Variants in SYT1 observed in about 807,000 individuals in gnomAD.
SYT1 encodes the protein synaptotagmin 1.
SYT1 carries 8 observed loss-of-function variants against 44.8 expected under a neutral mutation model. The ratio of observed to expected loss-of-function variants is 0.18; its 90% CI spans 0.10 to 0.32. The LOEUF (loss-of-function observed/expected upper bound fraction) is 0.32, where lower values mean the gene tolerates loss of function less well. Among genes scored for constraint, SYT1 ranks in the 10% least tolerant of loss-of-function variants. The pLI is 1.00. For synonymous variants in SYT1, 154 were observed against 188.8 expected (o/e 0.82, Z 1.51); for missense variants, 286 against 509.3 (o/e 0.56, Z 4.22).
chr12:79,243,625 C>T (rs1876644065), intron 4 of SYT1, among the ~76,000 whole-genome samples: 1 of 152,136 alleles, frequency 6.6e-6, no homozygotes, highest in Non-Finnish European at 1.5e-5. Flanking sequence ...ACTAAAGTCA[C>T]TCCAGAGTGG....
At chr12:79,120,270 A>G (rs1317713018) in intron 3 of SYT1, among the ~76,000 whole-genome samples, 2 of 152,164 alleles carry the variant, frequency 1.3e-5, no homozygotes, top group Non-Finnish European at 1.5e-5. Flanking sequence ...CATGGGAACA[A>G]TAAGACACTG....
At chr12:79,178,298 A>T (rs1048710719) in intron 3 of SYT1, among the ~76,000 whole-genome samples, 1 of 151,866 alleles carries the variant, frequency 6.6e-6, no homozygotes, top group Non-Finnish European at 1.5e-5. Context: ...TAATAGTATC[A>T]CTCAGCCACA....
At chr12:78,983,088 G>GT (rs202237863) in intron 2 of SYT1, among the ~76,000 whole-genome samples, 12,440 of 146,780 alleles carry the variant, frequency 0.085, 616 homozygotes, top group African/African-American at 0.14. Flanking sequence ...CTTCTTCCAA[G>GT]TTTTTTTTTT....
chr12:79,330,057 T>C (rs1592972052), intron 8 of SYT1, among the ~76,000 whole-genome samples: 2 of 152,252 alleles, frequency 1.3e-5, no homozygotes, highest in East Asian at 1.9e-4. Context: ...CTGTAATACA[T>C]CTCCTCTTAG....
At chr12:79,299,050 AACTT>A (rs1462927999) in intron 7 of SYT1, among the ~76,000 whole-genome samples, 1 of 152,180 alleles carries the variant, frequency 6.6e-6, no homozygotes, top group Non-Finnish European at 1.5e-5. Context: ...CTACAAGAAA[AACTT>A]ACTTATAGTC....
chr12:79,304,397 T>G (rs1880292587), intron 8 of SYT1, among the ~76,000 whole-genome samples: 1 of 152,216 alleles, frequency 6.6e-6, no homozygotes, highest in Non-Finnish European at 1.5e-5. Flanking sequence ...GATAGTTTAG[T>G]GCCTTTCTGG....
At chr12:78,980,114 G>C (rs183285266) in intron 2 of SYT1, among the ~76,000 whole-genome samples, 1 of 152,048 alleles carries the variant, frequency 6.6e-6, no homozygotes, top group Non-Finnish European at 1.5e-5. Flanking sequence ...TCTCAGTGCG[G>C]CAAGTAAGAC....
At chr12:79,301,680 T>A (rs145001546) in intron 8 of SYT1, among the ~76,000 whole-genome samples, 35 of 152,270 alleles carry the variant, frequency 2.3e-4, no homozygotes, top group African/African-American at 7.5e-4. Flanking sequence ...ATCTCCTCAT[T>A]TGTTGTGTCT....
chr12:79,353,952 T>A (rs939519664), intron 9 of SYT1, among the ~76,000 whole-genome samples: 2 of 151,984 alleles, frequency 1.3e-5, no homozygotes, highest in Non-Finnish European at 2.9e-5. Context: ...TTAGAGGGGG[T>A]TTTTGGTCAA....
chr12:79,308,881 C>T (rs1460405224), intron 8 of SYT1, among the ~76,000 whole-genome samples: 1 of 152,164 alleles, frequency 6.6e-6, no homozygotes, highest in East Asian at 1.9e-4. Flanking sequence ...AAACTGTAAG[C>T]CTGGAATTAG....
rs192511668 is a variant in SYT1 at position 79,047,889 on chromosome 12, A to G, written c.-18+527A>G. ...TTAACTAAAAGTGTATTTCCTAGAA[A>G]TGTATTTCCTTGCTATTGTTTGATG... On this transcript the variant is annotated intron_variant, in intron 3 of 10. Transcript: ENST00000261205. Among the ~76,000 whole-genome samples, 789 of 151,980 alleles carry G rather than the reference A, an allele frequency of 5.2e-3. 1 individual carries two copies. The highest frequency in any genetic ancestry group is 9.0e-3 in the Non-Finnish European group (608 of 67,766).
chr12:79,052,043 AG>A (rs1412845651), intron 3 of SYT1, among the ~76,000 whole-genome samples: 2 of 152,076 alleles, frequency 1.3e-5, no homozygotes, highest in Non-Finnish European at 2.9e-5. Context: ...ACTTTAAAAT[AG>A]TTTTTTCCAA....
intron 4 of SYT1, among the ~76,000 whole-genome samples, chr12:79,281,302 GAGATATAGAT>G (rs1279508839): frequency 4.6e-5 from 7 of 152,054 alleles, no homozygotes; most frequent in African/African-American, 1.4e-4. Context: ...TACGGATATA[GAGATATAGAT>G]AGATATAGAT....
chr12:79,210,492 T>G (rs2138532069), intron 3 of SYT1, among the ~76,000 whole-genome samples: 1 of 152,338 alleles, frequency 6.6e-6, no homozygotes, highest in Middle Eastern at 3.4e-3. Flanking sequence ...AGTGAGAACA[T>G]ACAATGTTTG....
chr12:79,439,956 T>C (rs1047278165), intron 9 of SYT1, among the ~76,000 whole-genome samples: 1 of 150,516 alleles, frequency 6.6e-6, no homozygotes, highest in Non-Finnish European at 1.5e-5. Flanking sequence ...CTGGGCACAA[T>C]GGCTCACTTC....
chr12:79,122,280 C>T (rs1282317023), intron 3 of SYT1, among the ~76,000 whole-genome samples: 1 of 151,508 alleles, frequency 6.6e-6, no homozygotes, highest in Non-Finnish European at 1.5e-5. Flanking sequence ...TTTGGGAGGC[C>T]GAGGCGGGCG....
At chr12:78,876,219 T>C (rs1377268327) in intron 1 of SYT1, among the ~76,000 whole-genome samples, 1 of 151,588 alleles carries the variant, frequency 6.6e-6, no homozygotes. Context: ...ATTTTTCCTC[T>C]ATCTAGTCTC....
At chr12:78,909,463 A>G (rs1259967124) in intron 1 of SYT1, among the ~76,000 whole-genome samples, 1 of 151,958 alleles carries the variant, frequency 6.6e-6, no homozygotes, top group Non-Finnish European at 1.5e-5. Flanking sequence ...AACAATAAAT[A>G]TAAGCTTATG....
chr12:78,908,973 A>G (rs547907694), intron 1 of SYT1, among the ~76,000 whole-genome samples: 2 of 152,082 alleles, frequency 1.3e-5, no homozygotes, highest in African/African-American at 4.8e-5. Context: ...CAATCAACCA[A>G]AAGATTCCTA....
Sources: allele counts gnomAD v4.1 joint callset (sites outside exome capture counted in the v4.1 genomes callset), GRCh38; gene constraint gnomAD v4.1.1; transcripts MANE v1.5; gene names NCBI Gene and HGNC (gene_info 2026-07-23, HGNC 2026-07-21).